Variants in ROBO2 observed in about 807,000 individuals in gnomAD.
The protein encoded by ROBO2 is roundabout homolog 2.
A neutral mutation model predicts 160.8 loss-of-function variants in ROBO2; 53 were observed. The ratio of observed to expected loss-of-function variants is 0.33; its 90% CI spans 0.26 to 0.41. The LOEUF is 0.41. Among genes scored for constraint, ROBO2 ranks in the 10% least tolerant of loss-of-function variants. The pLI is 1.00. For synonymous variants in ROBO2, 664 were observed against 611.7 expected (o/e 1.09, Z -1.26); for missense variants, 1,577 against 1,722.4 (o/e 0.92, Z 1.49).
At chr3:77,034,214 C>A (rs1264917544) in intron 2 of ROBO2, among the ~76,000 whole-genome samples, 1 of 151,686 alleles carries the variant, frequency 6.6e-6, no homozygotes, top group African/African-American at 2.4e-5. Flanking sequence ...GCTTTATTTG[C>A]AAGTTTTTCT....
chr3:77,624,966 T>G (rs1213968703), intron 23 of ROBO2, among the ~76,000 whole-genome samples: 1 of 152,190 alleles, frequency 6.6e-6, no homozygotes, highest in Admixed American at 6.5e-5. Flanking sequence ...TGTAAAATTA[T>G]GCAGGATTTT....
intron 2 of ROBO2, among the ~76,000 whole-genome samples, chr3:75,976,306 C>T (rs142036727): frequency 1.5e-3 from 228 of 151,496 alleles, no homozygotes; most frequent in African/African-American, 4.2e-3. Flanking sequence ...ACTCAAATGC[C>T]CAGAAAATGT....
intron 2 of ROBO2, among the ~76,000 whole-genome samples, chr3:76,469,251 T>C (rs1280073939): frequency 1.3e-5 from 2 of 152,060 alleles, no homozygotes; most frequent in Non-Finnish European, 2.9e-5. Context: ...ATGAGGATGA[T>C]GATAATTGCT....
chr3:76,806,214 C>CGTGCGTGT (rs1553912104), intron 2 of ROBO2, among the ~76,000 whole-genome samples: 1 of 146,168 alleles, frequency 6.8e-6, no homozygotes. Flanking sequence ...TTTCTGTGTG[C>CGTGCGTGT]GTGTGTGTGT....
intron 17 of ROBO2, among the ~76,000 whole-genome samples, chr3:77,592,373 A>G (rs1472427027): frequency 1.3e-5 from 2 of 152,154 alleles, no homozygotes; most frequent in African/African-American, 2.4e-5. Flanking sequence ...GATGACGGGA[A>G]CAGAAACAGA....
At chr3:76,734,442 T>C (rs1028231497) in intron 2 of ROBO2, among the ~76,000 whole-genome samples, 4 of 152,222 alleles carry the variant, frequency 2.6e-5, no homozygotes, top group Admixed American at 6.5e-5. Context: ...TGGTTAGTAC[T>C]TTTACACATC....
intron 2 of ROBO2, among the ~76,000 whole-genome samples, chr3:77,477,047 G>GCGCA (rs1560945953): frequency 6.6e-6 from 1 of 151,094 alleles, no homozygotes; most frequent in African/African-American, 2.4e-5. Context: ...ATATATGCGT[G>GCGCA]CACACACACA....
At chr3:75,966,641 T>A (rs1379167166) in intron 2 of ROBO2, among the ~76,000 whole-genome samples, 2 of 151,650 alleles carry the variant, frequency 1.3e-5, no homozygotes, top group African/African-American at 4.8e-5. Context: ...AACATCAATC[T>A]CATAATGTTG....
intron 2 of ROBO2, among the ~76,000 whole-genome samples, chr3:76,700,826 T>C (rs2093032113): frequency 6.6e-6 from 1 of 152,156 alleles, no homozygotes; most frequent in Non-Finnish European, 1.5e-5. Flanking sequence ...CTCTACCCAG[T>C]CAGTCTTACA....
intron 2 of ROBO2, among the ~76,000 whole-genome samples, chr3:76,147,621 C>T (rs1216523690): frequency 1.3e-5 from 2 of 151,910 alleles, no homozygotes; most frequent in Non-Finnish European, 2.9e-5. Context: ...CATATATGCT[C>T]AGTAACATAA....
At chr3:76,460,756 A>G (rs1372560775) in intron 2 of ROBO2, among the ~76,000 whole-genome samples, 6 of 152,194 alleles carry the variant, frequency 3.9e-5, no homozygotes, top group Admixed American at 3.3e-4. Flanking sequence ...AATCCACTAT[A>G]GAGTTTCTGA....
chr3:77,000,533 A>C (rs1410877670), intron 2 of ROBO2, among the ~76,000 whole-genome samples: 1 of 152,100 alleles, frequency 6.6e-6, no homozygotes, highest in Non-Finnish European at 1.5e-5. Context: ...ATTTATGTTT[A>C]CAAACACCCA....
At chr3:76,439,343 G>C (rs2076820039) in intron 2 of ROBO2, among the ~76,000 whole-genome samples, 1 of 75,418 alleles carries the variant, frequency 1.3e-5, no homozygotes, top group African/African-American at 4.2e-5. Context: ...GATCAGAGAA[G>C]GTGCCCTTAA....
intron 2 of ROBO2, among the ~76,000 whole-genome samples, chr3:76,885,344 AT>A (rs1230220079): frequency 6.6e-6 from 1 of 152,168 alleles, no homozygotes; most frequent in Non-Finnish European, 1.5e-5. Context: ...TATGTGTGCA[AT>A]TTTCTCCGAT....
At chr3:76,141,471 G>A (rs1203667306) in intron 2 of ROBO2, among the ~76,000 whole-genome samples, 2 of 150,900 alleles carry the variant, frequency 1.3e-5, no homozygotes, top group Non-Finnish European at 3.0e-5. Flanking sequence ...AAGTATTAGA[G>A]ACACATAATT....
intron 2 of ROBO2, among the ~76,000 whole-genome samples, chr3:76,771,290 TG>T (rs988661946): frequency 1.3e-5 from 2 of 151,288 alleles, no homozygotes; most frequent in African/African-American, 2.4e-5. Context: ...CTGACTATAT[TG>T]GGGTTAAGCA....
At chr3:77,530,566 C>A (rs528364739) in intron 6 of ROBO2, among the ~76,000 whole-genome samples, 1 of 152,022 alleles carries the variant, frequency 6.6e-6, no homozygotes, top group Admixed American at 6.6e-5. Context: ...TTACTGAAAG[C>A]GGACGTTCAT....
In ROBO2 at chr3:76,834,013, C is replaced by T. The variant is rs200108482; in HGVS notation, c.110-264001C>T. ...TCTTTCTTTCCTTCTTTCTTTCTTT[C>T]CTTTCTTTCTTTTCTTTCTTTCTTT... On this transcript the variant is annotated intron_variant, in intron 2 of 26. Coordinates refer to the ROBO2 transcript ENST00000487694. 4.4e-4 allele frequency among the ~76,000 whole-genome samples: 53 copies of T among 121,220 alleles called. 2 individuals carry two copies. The South Asian group carries it at 7.2e-3, about 16-fold the overall frequency. The allele number at this position is 121,220 out of a possible 152,430, so 79.5% of individuals were successfully genotyped here.
chr3:77,040,963 G>T, intron 1 of ROBO2, 117 bp downstream of exon 1: 2 of 1,388,616 alleles, frequency 1.4e-6, no homozygotes, highest in African/African-American at 2.9e-5. Context: ...CTGTTAGTCC[G>T]TTTTGGCCCG....
Sources: gnomAD v4.1 joint callset for allele counts (sites outside exome capture counted in the v4.1 genomes callset) on GRCh38, gnomAD v4.1.1 for gene constraint, MANE v1.5 for transcripts, NCBI Gene and HGNC (gene_info 2026-07-23, HGNC 2026-07-21) for gene names.